Variants in PTPRR observed in about 807,000 individuals in gnomAD.
PTPRR encodes protein tyrosine phosphatase receptor type R, also known as receptor-type tyrosine-protein phosphatase R.
Under a neutral mutation model 77.2 loss-of-function variants are expected in PTPRR, and 38 were observed. The ratio of observed to expected loss-of-function variants is 0.49; its 90% CI spans 0.38 to 0.65. The LOEUF (loss-of-function observed/expected upper bound fraction) is 0.65. Among genes scored for constraint, PTPRR ranks in the 30% least tolerant of loss-of-function variants. The pLI is 0.00. For missense variants in PTPRR, 744 were observed against 799.2 expected (o/e 0.93, Z 0.83); for synonymous variants, 299 against 283.1 (o/e 1.06, Z -0.57).
At chr12:70,808,987 A>G (rs555106933) in intron 2 of PTPRR, among the ~76,000 whole-genome samples, 34 of 152,248 alleles carry the variant, frequency 2.2e-4, no homozygotes, top group Admixed American at 5.2e-4. Flanking sequence ...ATGTGGAGAT[A>G]GTATAGGGAG....
rs61539990 is a variant in PTPRR, at chr12:70,821,213, CTTTTTTTTTTTTTT to C, written c.358-56449_358-56436del. On this transcript the variant is annotated intron_variant, in intron 2 of 13. Transcript: ENST00000283228. ...CAAAACATGTTGAAAGGGATCACTG[CTTTTTTTTTTTTTT>C]TTTTTTTTTTTTTTTAGGACAGAGT... is the stretch of plus-strand genomic sequence containing the variant. Among the ~76,000 whole-genome samples, 15 of 31,992 alleles carry C rather than the reference CTTTTTTTTTTTTTT, an allele frequency of 4.7e-4. 1 individual carries two copies. The South Asian group carries it at 0.016, about 34-fold the overall frequency. 21.0% of individuals were successfully genotyped at this position (31,992 alleles called of 152,430 possible).
chr12:70,879,490 C>T (rs780635139), intron 2 of PTPRR, among the ~76,000 whole-genome samples: 1 of 152,006 alleles, frequency 6.6e-6, no homozygotes. Context: ...CACATGAACC[C>T]GTCATGTCTA....
intron 10 of PTPRR, chr12:70,673,027 AAAGC>A: frequency 9.1e-7 from 1 of 1,100,216 alleles, no homozygotes; most frequent in Non-Finnish European, 1.1e-6. Flanking sequence ...ACGTCGGGCC[AAAGC>A]AAAAAAAAAA....
intron 13 of PTPRR, among the ~76,000 whole-genome samples, chr12:70,655,150 A>G (rs1886531143): frequency 6.6e-6 from 1 of 152,216 alleles, no homozygotes; most frequent in Non-Finnish European, 1.5e-5. Context: ...TGGAGATTAT[A>G]ACAAAGGTGA....
intron 2 of PTPRR, among the ~76,000 whole-genome samples, chr12:70,771,382 A>G (rs1357477613): frequency 1.3e-5 from 2 of 151,928 alleles, no homozygotes; most frequent in Non-Finnish European, 2.9e-5. Flanking sequence ...AGCAATGGAC[A>G]CTGGAGACTG....
At chr12:70,821,629 C>T (rs1592776727) in intron 2 of PTPRR, among the ~76,000 whole-genome samples, 2 of 151,632 alleles carry the variant, frequency 1.3e-5, no homozygotes, top group African/African-American at 4.8e-5. Context: ...TGAGGGAGAG[C>T]GTGGGGAGAA....
chr12:70,786,998 A>G (rs1487704888), intron 2 of PTPRR, among the ~76,000 whole-genome samples: 2 of 152,218 alleles, frequency 1.3e-5, no homozygotes, highest in Admixed American at 6.5e-5. Context: ...ATATGGAAAA[A>G]TAACAATAAG....
At chr12:70,681,851 A>T (rs180725062) in intron 10 of PTPRR, among the ~76,000 whole-genome samples, 1 of 152,188 alleles carries the variant, frequency 6.6e-6, no homozygotes, top group East Asian at 1.9e-4. Context: ...ATAGGGCGTT[A>T]CCAACCTAGT....
At position 70,823,108 on chromosome 12, in the gene PTPRR, G is replaced by GACACACACACACACAC. The variant is rs58549756; in HGVS notation, c.358-58346_358-58331dup. On this transcript the variant is annotated intron_variant, in intron 2 of 13. Transcript: ENST00000283228. ...CTTCTCTCTTGCTGTCTCTCTCTCT[G>GACACACACACACACAC]ACACACACACACACACACACACACA... Among the ~76,000 whole-genome samples, 40 of 139,668 alleles carry GACACACACACACACAC rather than the reference G, an allele frequency of 2.9e-4. 1 individual carries two copies. Among genetic ancestry groups the GACACACACACACACAC allele is most frequent in the African/African-American group, 6.7e-4 (24 of 36,082 alleles). 91.6% of individuals were successfully genotyped at this position (139,668 alleles called of 152,430 possible).
chr12:70,902,827 C>A (rs1893561194), intron 1 of PTPRR, among the ~76,000 whole-genome samples: 1 of 151,654 alleles, frequency 6.6e-6, no homozygotes, highest in Admixed American at 6.6e-5. Context: ...TCTCACAAAT[C>A]AGCACTAAAG....
chr12:70,754,228 A>T lies in PTPRR; in HGVS notation c.701T>A (p.Phe234Tyr), dbSNP rs1044267370. The change falls in exon 5 of 14, where the codon TTT becomes TAT. Residue 234 changes from phenylalanine to tyrosine, a missense_variant. By Grantham distance (22) the Phe-to-Tyr change is conservative (BLOSUM62 3). Coordinates refer to ENST00000283228, the MANE Select transcript of PTPRR (RefSeq NM_002849.4). ...TACTATAATAACAAAGATGCTGAGA[A>T]AAATGACAACAGCATAAAATCCTTC... ...SKEGFYAVVI[F>Y]LSIFVIIVTC... 1.9e-6 allele frequency: 3 copies of T among 1,613,638 alleles called. No homozygotes were observed. Among genetic ancestry groups the T allele is most frequent in the Non-Finnish European group, 2.5e-6 (3 of 1,179,814 alleles).
At chr12:70,681,577 T>G (rs1566064262) in intron 10 of PTPRR, among the ~76,000 whole-genome samples, 3 of 152,222 alleles carry the variant, frequency 2.0e-5, no homozygotes, top group African/African-American at 4.8e-5. Flanking sequence ...CTTCTCTATG[T>G]GACCCTCACT....
At chr12:70,749,438 G>A (rs2136937187) in intron 5 of PTPRR, among the ~76,000 whole-genome samples, 1 of 152,202 alleles carries the variant, frequency 6.6e-6, no homozygotes, top group Middle Eastern at 3.4e-3. Flanking sequence ...CAATAAGTGT[G>A]CAATAAATGG....
intron 2 of PTPRR, among the ~76,000 whole-genome samples, chr12:70,834,225 A>C (rs184430347): frequency 1.3e-5 from 2 of 152,302 alleles, no homozygotes; most frequent in African/African-American, 4.8e-5. Context: ...ATCTTTAAAA[A>C]ATGTTTTATT....
At chr12:70,644,624 C>T (rs191367224) in intron 13 of PTPRR, among the ~76,000 whole-genome samples, 1 of 152,296 alleles carries the variant, frequency 6.6e-6, no homozygotes, top group Admixed American at 6.5e-5. Flanking sequence ...ATGTTTAGCA[C>T]ATAGCCAAGC....
At chr12:70,735,745 GTCTC>G (rs1051446090) in intron 6 of PTPRR, among the ~76,000 whole-genome samples, 3 of 152,232 alleles carry the variant, frequency 2.0e-5, no homozygotes, top group Non-Finnish European at 4.4e-5. Context: ...ATCTCTCTAA[GTCTC>G]TCTGTTAGCA....
Position 70,770,731 on chromosome 12 carries a change from A to G in PTPRR, c.358-5953T>C, listed in dbSNP as rs868042237. On this transcript the variant is annotated intron_variant, in intron 2 of 13. Transcript: ENST00000283228. ...ATAGGTTTATTGCGGCACAATTCACAATAGCAAAGACTTGGAACCACCCAA... is the reference window on the plus strand; with the variant it reads ...ATAGGTTTATTGCGGCACAATTCACGATAGCAAAGACTTGGAACCACCCAA... Among the ~76,000 whole-genome samples the G allele has an allele frequency of 3.3e-5, 5 of 152,274 alleles. 1 individual carries two copies. In the Middle Eastern group the frequency reaches 0.01, roughly 311 times the overall value.
chr12:70,701,011 C>G, intron 7 of PTPRR, 126 bp downstream of exon 7: 1 of 941,868 alleles, frequency 1.1e-6, no homozygotes, highest in Non-Finnish European at 1.6e-6. Context: ...GAATCTAAAA[C>G]CATTTCACTT....
intron 2 of PTPRR, among the ~76,000 whole-genome samples, chr12:70,844,056 T>C (rs994226172): frequency 2.0e-5 from 3 of 152,006 alleles, no homozygotes; most frequent in Non-Finnish European, 4.4e-5. Context: ...CCGTGGGTGA[T>C]CCACCCACCT....
Sources: gnomAD v4.1 joint callset for allele counts (sites outside exome capture counted in the v4.1 genomes callset) on GRCh38, gnomAD v4.1.1 for gene constraint, MANE v1.5 for transcripts, NCBI Gene and HGNC (gene_info 2026-07-23, HGNC 2026-07-21) for gene names.